MGAT4C: variants seen among roughly 807,000 people sequenced by gnomAD.
The protein encoded by MGAT4C is alpha-1,3-mannosyl-glycoprotein 4-beta-N-acetylglucosaminyltransferase C.
A neutral mutation model predicts 40.1 loss-of-function variants in MGAT4C; 19 were observed. The ratio of observed to expected loss-of-function variants is 0.47; its 90% CI spans 0.33 to 0.70. The LOEUF is 0.70. Among genes scored for constraint, MGAT4C ranks in the 30% least tolerant of loss-of-function variants. The pLI, the probability that MGAT4C is intolerant of heterozygous loss-of-function variation, is 0.02. For synonymous variants in MGAT4C, 181 were observed against 187.1 expected (o/e 0.97, Z 0.27); for missense variants, 491 against 563.2 (o/e 0.87, Z 1.30).
chr12:86,085,910 G>A (rs1871736116), intron 1 of MGAT4C, among the ~76,000 whole-genome samples: 1 of 152,060 alleles, frequency 6.6e-6, no homozygotes, highest in Non-Finnish European at 1.5e-5. Context: ...GAGAGGACAT[G>A]GAGAAATAGG....
At position 86,754,574 on chromosome 12, in the gene MGAT4C, A is replaced by G. The variant is rs1029168008; in HGVS notation, c.-261-27333T>C. On this transcript the variant is annotated intron_variant, in intron 1 of 7. Transcript: ENST00000548651. Reference sequence around the variant, plus strand: ...GGGACATGAAAAATAAAACTGCCACATGGATTGCAGCCTGAGAAGAGATAT... The same window carrying G: ...GGGACATGAAAAATAAAACTGCCACGTGGATTGCAGCCTGAGAAGAGATAT... Among the ~76,000 whole-genome samples, 12 of 152,278 alleles carry G rather than the reference A, an allele frequency of 7.9e-5. No individual in the cohort carries two copies. The South Asian group carries it at 2.5e-3, about 32-fold the overall frequency.
intron 2 of MGAT4C, among the ~76,000 whole-genome samples, chr12:86,489,621 C>T (rs919846480): frequency 1.3e-5 from 2 of 152,204 alleles, no homozygotes; most frequent in African/African-American, 4.8e-5. Context: ...GTGGGACATG[C>T]ATGAAGTTTA....
At chr12:86,312,280 T>G (rs1244054042) in intron 4 of MGAT4C, among the ~76,000 whole-genome samples, 1 of 152,208 alleles carries the variant, frequency 6.6e-6, no homozygotes, top group Non-Finnish European at 1.5e-5. Context: ...TAAAATGTAG[T>G]TAAAAGAAAC....
chr12:86,035,453 T>C (rs909785470), intron 2 of MGAT4C, among the ~76,000 whole-genome samples: 3 of 150,116 alleles, frequency 2.0e-5, no homozygotes, highest in African/African-American at 7.3e-5. Context: ...TTTGTTGAAG[T>C]TATTTCTAGA....
chr12:86,504,433 G>A (rs138371332), intron 2 of MGAT4C, among the ~76,000 whole-genome samples: 4 of 152,252 alleles, frequency 2.6e-5, no homozygotes, highest in African/African-American at 9.6e-5. Flanking sequence ...GTATTAACAA[G>A]TGATAGAATA....
Position 85,968,429 on chromosome 12 carries a change from G to T in MGAT4C, c.*10860C>A, listed in dbSNP as rs987019374. 6.6e-6 allele frequency: 1 copy of T among 151,908 alleles called. No individual in the cohort carries two copies. Among genetic ancestry groups the T allele is most frequent in the African/African-American group, 2.4e-5 (1 of 41,410 alleles). 9.4% of individuals were successfully genotyped at this position (151,908 alleles called of 1,614,324 possible). A position where few individuals can be genotyped will look rare whatever the true frequency, so the allele number is the denominator to read the frequency against. On this transcript the variant is annotated 3_prime_UTR_variant, in exon 5 of 5. Transcript: ENST00000611864. ...ATCACTTACGTAGTTCTCCAAAAAC[G>T]AGAGTCCCAGATTCAATAGGAAGGC...
At chr12:86,527,847 C>T (rs1958911820) in intron 2 of MGAT4C, among the ~76,000 whole-genome samples, 1 of 152,098 alleles carries the variant, frequency 6.6e-6, no homozygotes, top group Non-Finnish European at 1.5e-5. Flanking sequence ...ACAAATATCA[C>T]ATGTTCTCAC....
At chr12:86,227,486 C>T (rs927116984) in intron 1 of MGAT4C, among the ~76,000 whole-genome samples, 1 of 151,862 alleles carries the variant, frequency 6.6e-6, no homozygotes. Flanking sequence ...AATATTCTTA[C>T]CTGGGTGTTT....
intron 3 of MGAT4C, among the ~76,000 whole-genome samples, chr12:86,430,255 A>T (rs1957007560): frequency 6.6e-6 from 1 of 152,006 alleles, no homozygotes; most frequent in Non-Finnish European, 1.5e-5. Context: ...AGATTTCTAG[A>T]TCTCCATTTC....
intron 4 of MGAT4C, among the ~76,000 whole-genome samples, chr12:86,266,808 A>G (rs1952798754): frequency 2.0e-5 from 3 of 151,938 alleles, no homozygotes; most frequent in Admixed American, 1.3e-4. Flanking sequence ...TACTGACTCA[A>G]TCTTGCTGCT....
At chr12:86,042,520 T>C (rs1393415567) in intron 2 of MGAT4C, among the ~76,000 whole-genome samples, 7 of 152,168 alleles carry the variant, frequency 4.6e-5, no homozygotes, top group Non-Finnish European at 8.8e-5. Flanking sequence ...GGAATTCCCA[T>C]AGCATTTGCT....
intron 2 of MGAT4C, among the ~76,000 whole-genome samples, chr12:86,594,041 A>G (rs1324732371): frequency 6.6e-6 from 1 of 152,188 alleles, no homozygotes; most frequent in Non-Finnish European, 1.5e-5. Context: ...AAAAGCCAGG[A>G]CAATGGCGGT....
chr12:86,174,845 C>T (rs1887224022), intron 1 of MGAT4C, among the ~76,000 whole-genome samples: 1 of 152,070 alleles, frequency 6.6e-6, no homozygotes, highest in Admixed American at 6.6e-5. Flanking sequence ...CTTCGGTAAG[C>T]TTAGAACTCA....
intron 4 of MGAT4C, among the ~76,000 whole-genome samples, chr12:86,316,421 G>A (rs997078887): frequency 1.3e-5 from 2 of 152,158 alleles, no homozygotes; most frequent in African/African-American, 4.8e-5. Context: ...GCATTCATAT[G>A]TTCATCACAG....
At chr12:86,835,600 T>C (rs1593251777) in intron 1 of MGAT4C, among the ~76,000 whole-genome samples, 2 of 152,082 alleles carry the variant, frequency 1.3e-5, no homozygotes, top group Admixed American at 1.3e-4. Context: ...TTTGGGAAAA[T>C]GTAAAAGTGG....
chr12:86,696,730 C>A (rs1020298153), intron 2 of MGAT4C, among the ~76,000 whole-genome samples: 5 of 152,064 alleles, frequency 3.3e-5, no homozygotes, highest in African/African-American at 1.2e-4. Flanking sequence ...CCTTATGTGT[C>A]TGTCTAGATC....
intron 4 of MGAT4C, among the ~76,000 whole-genome samples, chr12:86,292,852 T>A (rs910905646): frequency 3.9e-4 from 59 of 150,542 alleles, no homozygotes; most frequent in African/African-American, 1.3e-3. Context: ...TTTTTTTTTT[T>A]AAACCTGCAA....
chr12:86,768,841 T>C (rs1306385572), intron 1 of MGAT4C, among the ~76,000 whole-genome samples: 4 of 151,894 alleles, frequency 2.6e-5, no homozygotes, highest in East Asian at 1.9e-4. Context: ...CTGGATCCCT[T>C]CCTTACACCT....
At chr12:86,081,273 C>T (rs976051084) in intron 1 of MGAT4C, among the ~76,000 whole-genome samples, 1 of 152,132 alleles carries the variant, frequency 6.6e-6, no homozygotes, top group Non-Finnish European at 1.5e-5. Flanking sequence ...AATGAATTGA[C>T]TTTTATTGTC....
Sources: allele counts gnomAD v4.1 joint callset (sites outside exome capture counted in the v4.1 genomes callset), GRCh38; gene constraint gnomAD v4.1.1; transcripts MANE v1.5; gene names NCBI Gene and HGNC (gene_info 2026-07-23, HGNC 2026-07-21).